Variants in AEBP2 observed in about 807,000 individuals in gnomAD.
The protein encoded by AEBP2 is zinc finger protein AEBP2.
AEBP2 carries 10 observed loss-of-function variants against 50.8 expected under a neutral mutation model. That is an observed-to-expected ratio of 0.20 (90% CI 0.12 to 0.33). The LOEUF is 0.33. Among genes scored for constraint, AEBP2 ranks in the 10% least tolerant of loss-of-function variants. The pLI is 1.00. For synonymous variants in AEBP2, 296 were observed against 261.3 expected (o/e 1.13, Z -1.28); for missense variants, 570 against 688.0 (o/e 0.83, Z 1.92).
At chr12:19,509,733 G>C (rs994061934) in intron 5 of AEBP2, among the ~76,000 whole-genome samples, 1 of 151,556 alleles carries the variant, frequency 6.6e-6, no homozygotes, top group Non-Finnish European at 1.5e-5. Context: ...GACAGAGTGA[G>C]ACTTTGGCTT....
At chr12:19,480,784 A>G (rs1208587803) in intron 3 of AEBP2, among the ~76,000 whole-genome samples, 1 of 152,104 alleles carries the variant, frequency 6.6e-6, no homozygotes, top group Non-Finnish European at 1.5e-5. Context: ...TATTTTTGGG[A>G]GGAATTTCTC....
At chr12:19,493,236 T>C (rs1948920363) in intron 3 of AEBP2, among the ~76,000 whole-genome samples, 2 of 152,074 alleles carry the variant, frequency 1.3e-5, no homozygotes, top group Admixed American at 6.6e-5. Context: ...ACCATAGCTC[T>C]ACTAAAAATA....
chr12:19,464,346 G>A (rs534073651), intron 2 of AEBP2, among the ~76,000 whole-genome samples: 2 of 152,170 alleles, frequency 1.3e-5, no homozygotes, highest in East Asian at 3.9e-4. Flanking sequence ...TGAGCATCAT[G>A]GCATGATGCT....
chr12:19,448,947 A>G (rs544249546), intron 1 of AEBP2, among the ~76,000 whole-genome samples: 1 of 152,102 alleles, frequency 6.6e-6, no homozygotes. Flanking sequence ...CCCAAAGTGC[A>G]GGGATTACAG....
intron 1 of AEBP2, among the ~76,000 whole-genome samples, chr12:19,406,697 T>A (rs555795266): frequency 5.2e-4 from 79 of 151,336 alleles, no homozygotes; most frequent in African/African-American, 1.8e-3. Context: ...AAAAAAAAAA[T>A]TTTACTGAGG....
chr12:19,503,246 G>A (rs1949108648), intron 5 of AEBP2, among the ~76,000 whole-genome samples: 1 of 151,832 alleles, frequency 6.6e-6, no homozygotes, highest in Non-Finnish European at 1.5e-5. Context: ...CTATTTTTTT[G>A]TGTCATCTAT....
In AEBP2 at chr12:19,479,717, G is replaced by GTTTTTTTTTTTTTTTTT. The variant is rs369410408; in HGVS notation, c.987+6377_987+6393dup. Among the ~76,000 whole-genome samples, 168 of 22,326 alleles carry GTTTTTTTTTTTTTTTTT rather than the reference G, an allele frequency of 7.5e-3. 28 individuals carry two copies. Among genetic ancestry groups the GTTTTTTTTTTTTTTTTT allele is most frequent in the Non-Finnish European group, 0.012 (131 of 11,032 alleles). 14.6% of individuals were successfully genotyped at this position (22,326 alleles called of 152,430 possible). On this transcript the variant is annotated intron_variant, in intron 3 of 7. Coordinates refer to ENST00000266508, the MANE Select transcript of AEBP2 (RefSeq NM_153207.5). ...ATTATTTAATGTCACCTCTTTGTGGGTTTTTTTTTTTTTTTTTTTTTTTTT... is the reference window on the plus strand; with the variant it reads ...ATTATTTAATGTCACCTCTTTGTGGGTTTTTTTTTTTTTTTTTTTTTTTTTTTTTTTTTTTTTTTTTT...
intron 1 of AEBP2, chr12:19,457,560 T>A (rs1273608651): frequency 6.7e-7 from 1 of 1,483,090 alleles, no homozygotes; most frequent in East Asian, 2.3e-5. Flanking sequence ...GCTACCACAT[T>A]TGTAGTTCAG....
At position 19,518,179 on chromosome 12, in the gene AEBP2, A is replaced by T; in HGVS notation, c.*62A>T. 1 of 1,509,652 alleles carries T rather than the reference A, an allele frequency of 6.6e-7. No homozygotes were observed. Among genetic ancestry groups the T allele is most frequent in the Non-Finnish European group, 8.8e-7 (1 of 1,130,822 alleles). The allele number at this position is 1,509,652 out of a possible 1,614,324, so 93.5% of individuals were successfully genotyped here. A position where few individuals can be genotyped will look rare whatever the true frequency, so the allele number is the denominator to read the frequency against. On this transcript the variant is annotated 3_prime_UTR_variant, in exon 8 of 8. Transcript: ENST00000266508. ...ACACCTGCAGTCTTAGTCACTGACA[A>T]TGGGTTTAGGGAAAGTTGCACATTA...
At chr12:19,509,830 T>C (rs1194338073) in intron 5 of AEBP2, among the ~76,000 whole-genome samples, 2 of 136,042 alleles carry the variant, frequency 1.5e-5, no homozygotes, top group South Asian at 2.5e-4. Flanking sequence ...CTTTTTTTTT[T>C]TTTTTTTTTT....
upstream of AEBP2, among the ~76,000 whole-genome samples, chr12:19,436,877 A>G (rs1947866183): frequency 1.3e-5 from 2 of 151,932 alleles, no homozygotes; most frequent in Admixed American, 1.3e-4. Flanking sequence ...TGGGATTACA[A>G]GAGTGAGCCA....
chr12:19,501,054 G>A (rs1949065444), intron 5 of AEBP2, among the ~76,000 whole-genome samples: 1 of 152,182 alleles, frequency 6.6e-6, no homozygotes, highest in Non-Finnish European at 1.5e-5. Flanking sequence ...TACAGGCCGG[G>A]CGTGGTGGCT....
chr12:19,423,197 A>C (rs1289992346), intron 1 of AEBP2, among the ~76,000 whole-genome samples: 1 of 151,914 alleles, frequency 6.6e-6, no homozygotes, highest in African/African-American at 2.4e-5. Context: ...TACATAGTAG[A>C]CACTCAATAT....
At chr12:19,438,940 T>C (rs1433293959), upstream of AEBP2, among the ~76,000 whole-genome samples, 4 of 152,202 alleles carry the variant, frequency 2.6e-5, no homozygotes, top group African/African-American at 7.2e-5. Flanking sequence ...CATTCTAAAC[T>C]GTATAAGAAC....
chr12:19,477,192 A>G (rs767564904), intron 3 of AEBP2, among the ~76,000 whole-genome samples: 5 of 152,216 alleles, frequency 3.3e-5, no homozygotes, highest in Non-Finnish European at 5.9e-5. Flanking sequence ...TTATCAGATT[A>G]CAAGCTTTTT....
intron 1 of AEBP2, among the ~76,000 whole-genome samples, chr12:19,409,423 C>CTTTATATTTT (rs2095738098): frequency 6.6e-6 from 1 of 151,820 alleles, no homozygotes; most frequent in South Asian, 2.1e-4. Flanking sequence ...GAATGAATAT[C>CTTTATATTTT]TTGTCCCAAA....
chr12:19,450,283 A>G (rs929750329), intron 1 of AEBP2, among the ~76,000 whole-genome samples: 18 of 152,004 alleles, frequency 1.2e-4, no homozygotes, highest in African/African-American at 4.1e-4. Context: ...AATCTGTTTC[A>G]GTGGCCTAAG....
chr12:19,471,649 CT>C (rs1948575363), intron 2 of AEBP2, among the ~76,000 whole-genome samples: 1 of 151,890 alleles, frequency 6.6e-6, no homozygotes, highest in Non-Finnish European at 1.5e-5. Context: ...ACCACCACCC[CT>C]GAGTAGCTGG....
chr12:19,457,946 T>C (rs1948300728), intron 1 of AEBP2, among the ~76,000 whole-genome samples: 1 of 152,232 alleles, frequency 6.6e-6, no homozygotes, highest in Non-Finnish European at 1.5e-5. Context: ...GAGTGTATTG[T>C]CTGGCTTAGG....
Sources: allele counts gnomAD v4.1 joint callset (sites outside exome capture counted in the v4.1 genomes callset), GRCh38; gene constraint gnomAD v4.1.1; transcripts MANE v1.5; gene names NCBI Gene and HGNC (gene_info 2026-07-23, HGNC 2026-07-21).